Variants in COPG1 observed in about 807,000 individuals in gnomAD.
COPG1 encodes the protein coat protein complex I subunit gamma 1.
Under a neutral mutation model 102.8 loss-of-function variants are expected in COPG1, and 29 were observed. The ratio of observed to expected loss-of-function variants is 0.28; its 90% CI spans 0.21 to 0.38. The LOEUF (loss-of-function observed/expected upper bound fraction) is 0.38. Among genes scored for constraint, COPG1 ranks in the 10% least tolerant of loss-of-function variants. The probability of loss-of-function intolerance (pLI) is 1.00; values close to 1 mark genes in which losing one functional copy is unlikely to be tolerated. For missense variants in COPG1, 875 were observed against 1,132.7 expected, an observed-to-expected ratio of 0.77 and a Z score of 3.27; for synonymous variants, 406 against 421.6, an observed-to-expected ratio of 0.96 and a Z score of 0.45.
Position 129,268,568 on chromosome 3 carries a change from T to C in COPG1, c.1722T>C (p.Phe574=), listed in dbSNP as rs1382911806. ...QYTLEPSEKP[F]DLKSVPLATA... ...CTCTAGAACCATCAGAAAAACCTTT[T>C]GACCTCAAGTCTGTGCCCCTGGCCA... Residue 574 remains phenylalanine, a synonymous_variant, in exon 17 of 24, where the codon TTT becomes TTC. Coordinates refer to ENST00000314797, the MANE Select transcript of COPG1 (RefSeq NM_016128.4). The C allele has an allele frequency of 1.2e-6, 2 of 1,614,182 alleles. No individual in the cohort carries two copies. Among genetic ancestry groups the C allele is most frequent in the East Asian group, 4.5e-5 (2 of 44,870 alleles).
At chr3:129,255,203 G>C in intron 7 of COPG1, 126 bp downstream of exon 7, 3 of 648,322 alleles carry the variant, frequency 4.6e-6, no homozygotes, top group Admixed American at 2.8e-5. Flanking sequence ...GATTGAGACG[G>C]AGTCTCACTC....
intron 19 of COPG1, 164 bp downstream of exon 19, chr3:129,272,073 G>A (rs981052539): frequency 1.2e-5 from 12 of 1,006,254 alleles, no homozygotes; most frequent in African/African-American, 9.8e-5. Context: ...CTCTTGACTC[G>A]GGACATCCAT....
chr3:129,272,344 G>A lies in COPG1; in HGVS notation c.2087G>A (p.Arg696Gln), dbSNP rs756754245. Reference sequence around the variant, plus strand: ...GAGGTGCTCTGTTACGTGCCTGCCCGGAGCCTGCCCTACAACCAGCCCGGG... The same window carrying A: ...GAGGTGCTCTGTTACGTGCCTGCCCAGAGCCTGCCCTACAACCAGCCCGGG... ...AYEVLCYVPA[R>Q]SLPYNQPGTC... Residue 696 changes from arginine (R) to glutamine (Q), a missense_variant, in exon 20 of 24, where the codon CGG (arginine) becomes CAG (glutamine). Physicochemically the swap from Arg to Gln is conservative, Grantham distance 43. Coordinates refer to ENST00000314797, the MANE Select transcript of COPG1 (RefSeq NM_016128.4). 21 of 1,613,918 alleles carry A rather than the reference G, an allele frequency of 1.3e-5. No homozygotes were observed. Among genetic ancestry groups the A allele is most frequent in the East Asian group, 4.5e-5 (2 of 44,894 alleles).
rs1939903793 is a variant in COPG1, at chr3:129,260,398, A to G, written c.937A>G (p.Lys313Glu). The G allele has an allele frequency of 6.2e-7, 1 of 1,613,738 alleles. No homozygotes were observed. Among genetic ancestry groups the G allele is most frequent in the African/African-American group, 1.3e-5 (1 of 74,876 alleles). The change falls in exon 11 of 24, where the codon AAG becomes GAG. Residue 313 changes from lysine to glutamate, a missense_variant and splice_region_variant. Lys to Glu is a moderately conservative substitution (Grantham distance 56). Coordinates refer to ENST00000314797, the MANE Select transcript of COPG1 (RefSeq NM_016128.4). ...LRYAAVRTLN[K>E]VAMKHPSAVT... ...CTATGCTGCTGTTCGTACCCTCAATAAGGTAAGAGTCCAGCTTGGGGGTTG... is the reference window on the plus strand; with the variant it reads ...CTATGCTGCTGTTCGTACCCTCAATGAGGTAAGAGTCCAGCTTGGGGGTTG...
At position 129,265,545 on chromosome 3, in the gene COPG1, G is replaced by T. The variant is rs1032671912; in HGVS notation, c.1225-4G>T. The T allele has an allele frequency of 6.2e-7, 1 of 1,614,010 alleles. No homozygotes were observed. Among genetic ancestry groups the T allele is most frequent in the Admixed American group, 1.7e-5 (1 of 60,030 alleles). On this transcript the variant is annotated splice_region_variant and splice_polypyrimidine_tract_variant and intron_variant, in intron 13 of 23. Coordinates refer to ENST00000314797, the MANE Select transcript of COPG1 (RefSeq NM_016128.4). ...TCCTTGCTTAGCTCAGCTTCTCTCT[G>T]CAGGGTGGCTTTGAGTATAAGCGCG...
Position 129,254,985 on chromosome 3 carries a change from A to G in COPG1, c.400A>G (p.Ser134Gly). 1.2e-6 allele frequency: 2 copies of G among 1,613,788 alleles called. No individual in the cohort carries two copies. Among genetic ancestry groups the G allele is most frequent in the Non-Finnish European group, 1.7e-6 (2 of 1,179,718 alleles). The change falls in exon 7 of 24, where the codon AGC becomes GGC. Residue 134 changes from serine to glycine, a missense_variant and splice_region_variant. Coordinates refer to ENST00000314797, the MANE Select transcript of COPG1 (RefSeq NM_016128.4). ...TCCACCCTGCTCCTTTTGCCCACAG[A>G]GCACCATGCTGCAGGCTATTGAGCG... ...AVRALCQITDSTMLQAIERYM... is the reference protein window; with the variant it reads ...AVRALCQITDGTMLQAIERYM...
chr3:129,277,581 C>T lies in COPG1; in HGVS notation c.*157C>T, dbSNP rs1457981306. Reference sequence around the variant, plus strand: ...TTTTTATTCTGCTCCCACCTCCCACCCGGGACTACTTGCTGGTGACTTTTT... The same window carrying T: ...TTTTTATTCTGCTCCCACCTCCCACTCGGGACTACTTGCTGGTGACTTTTT... On this transcript the variant is annotated 3_prime_UTR_variant, in exon 24 of 24. Coordinates refer to ENST00000314797, the MANE Select transcript of COPG1 (RefSeq NM_016128.4). 4 of 650,944 alleles carry T rather than the reference C, an allele frequency of 6.1e-6. No homozygotes were observed. Among genetic ancestry groups the T allele is most frequent in the African/African-American group, 1.8e-5 (1 of 54,126 alleles). The allele number at this position is 650,944 out of a possible 1,614,324, so 40.3% of individuals were successfully genotyped here. A position where few individuals can be genotyped will look rare whatever the true frequency, so the allele number is the denominator to read the frequency against.
At position 129,275,265 on chromosome 3, in the gene COPG1, A is replaced by G; in HGVS notation, c.2467A>G (p.Lys823Glu). 6.2e-7 allele frequency: 1 copy of G among 1,614,194 alleles called. No homozygotes were observed. The highest frequency in any genetic ancestry group is 8.5e-7 in the Non-Finnish European group (1 of 1,180,028). The part of the protein sequence containing the change: ...CERSDKVPDN[K>E]NTHTLLLAGV... ...GAGGTCAGACAAAGTGCCGGATAAC[A>G]AGAACACCCACACGTTGCTCCTGGC... The change falls in exon 23 of 24, where the codon AAG (lysine) becomes GAG (glutamate). Residue 823 changes from lysine (K) to glutamate (E), a missense_variant. Physicochemically the swap from Lys to Glu is moderately conservative, Grantham distance 56 (BLOSUM62 1). Coordinates refer to ENST00000314797, the MANE Select transcript of COPG1 (RefSeq NM_016128.4). The surrounding 1 kb of genome is among the most constrained non-coding windows in gnomAD (Gnocchi z 5.0).
chr3:129,257,873 T>G lies in COPG1; in HGVS notation c.871+13T>G. 6.2e-7 allele frequency: 1 copy of G among 1,611,758 alleles called. No individual in the cohort carries two copies. Among genetic ancestry groups the G allele is most frequent in the South Asian group, 1.1e-5 (1 of 90,942 alleles). On this transcript the variant is annotated intron_variant, in intron 10 of 23. Coordinates refer to ENST00000314797, the MANE Select transcript of COPG1 (RefSeq NM_016128.4). ...CCGGCTGTGTCAGGTCACTGGGCATTCCTTCACCCAGCCTCACATGTTTAT... is the reference window on the plus strand; with the variant it reads ...CCGGCTGTGTCAGGTCACTGGGCATGCCTTCACCCAGCCTCACATGTTTAT...
At position 129,256,963 on chromosome 3, in the gene COPG1, CA is replaced by C. The variant is rs758735048; in HGVS notation, c.580-506del. Among the ~76,000 whole-genome samples, 64 of 152,238 alleles carry C rather than the reference CA, an allele frequency of 4.2e-4. 1 individual carries two copies. Among genetic ancestry groups the C allele is most frequent in the Non-Finnish European group, 1.5e-4 (10 of 68,042 alleles). On this transcript the variant is annotated intron_variant, in intron 8 of 23. Transcript: ENST00000314797. The stretch of plus-strand genomic sequence containing the variant: ...GGGAGTCTCTGGGCTTCTGGCCCTC[CA>C]GGCCTAGCTTTGTCAGTACCAGCCA...
intron 14 of COPG1, among the ~76,000 whole-genome samples, 162 bp from the exon 15 acceptor site, chr3:129,266,862 C>G (rs1157343716): frequency 6.6e-6 from 1 of 152,150 alleles, no homozygotes; most frequent in Non-Finnish European, 1.5e-5. Flanking sequence ...CAAGATCCAC[C>G]CAAAGCCACT....
rs145724197 is a variant in COPG1 at position 129,263,985 on chromosome 3, A to G, written c.1210A>G (p.Met404Val). ...CGTCCTTATGAACTTCCTGTTCACCATGCTGCGGGAAGAGGTAAGAGTCAG... is the reference window on the plus strand; with the variant it reads ...CGTCCTTATGAACTTCCTGTTCACCGTGCTGCGGGAAGAGGTAAGAGTCAG... Reference protein sequence around the residue: ...HAVLMNFLFTMLREEGGFEYK... With the variant: ...HAVLMNFLFTVLREEGGFEYK... Residue 404 changes from methionine to valine, a missense_variant, in exon 13 of 24, where the codon ATG becomes GTG. Transcript: ENST00000314797. The G allele has an allele frequency of 1.9e-6, 3 of 1,613,870 alleles. No homozygotes were observed. Among genetic ancestry groups the G allele is most frequent in the South Asian group, 2.2e-5 (2 of 91,084 alleles).
At chr3:129,251,190 T>C in intron 2 of COPG1, among the ~76,000 whole-genome samples, 1 of 151,508 alleles carries the variant, frequency 6.6e-6, no homozygotes, top group South Asian at 2.1e-4. Context: ...CCCAAAGTGC[T>C]GGGATTACAG....
At position 129,268,952 on chromosome 3, in the gene COPG1, G is replaced by C; in HGVS notation, c.1795G>C (p.Val599Leu). 6.2e-7 allele frequency: 1 copy of C among 1,614,168 alleles called. No homozygotes were observed. The highest frequency in any genetic ancestry group is 8.5e-7 in the Non-Finnish European group (1 of 1,180,016). The change falls in exon 18 of 24, where the codon GTC (valine) becomes CTC (leucine). Residue 599 changes from valine to leucine, a missense_variant. By Grantham distance (32) the Val-to-Leu change is conservative. Coordinates refer to ENST00000314797, the MANE Select transcript of COPG1 (RefSeq NM_016128.4). ...QRTESTPITA[V>L]KQPEKVAATR... ...TGCAGAAAGTACCCCCATCACAGCAGTCAAACAGCCTGAGAAAGTGGCAGC... is the reference window on the plus strand; with the variant it reads ...TGCAGAAAGTACCCCCATCACAGCACTCAAACAGCCTGAGAAAGTGGCAGC...
In COPG1 at chr3:129,259,725, C is replaced by T. The variant is rs372806847; in HGVS notation, c.872-608C>T. Among the ~76,000 whole-genome samples the T allele has an allele frequency of 2.8e-4, 42 of 152,288 alleles. No homozygotes were observed. The East Asian group carries it at 6.9e-3, about 25-fold the overall frequency. ...ATTGAGTGCCAAATTTAGCTCTGAG[C>T]TTCCGGGCAGCCAGGGCAAGGGAGG... is the stretch of plus-strand genomic sequence containing the variant. On this transcript the variant is annotated intron_variant, in intron 10 of 23. Transcript: ENST00000314797.
intron 14 of COPG1, among the ~76,000 whole-genome samples, chr3:129,266,428 G>C (rs1187097117): frequency 6.6e-6 from 1 of 152,010 alleles, no homozygotes; most frequent in Non-Finnish European, 1.5e-5. Flanking sequence ...CTTGCCTTAA[G>C]TGATTTTTTT....
chr3:129,264,214 T>G (rs1940008675), intron 13 of COPG1, among the ~76,000 whole-genome samples: 1 of 152,168 alleles, frequency 6.6e-6, no homozygotes, highest in South Asian at 2.1e-4. Context: ...CAGCCTGACT[T>G]TAAAAACTGG....
intron 1 of COPG1, 144 bp downstream of exon 1, chr3:129,249,890 C>G (rs1939656157): frequency 5.1e-6 from 4 of 790,030 alleles, no homozygotes; most frequent in Non-Finnish European, 7.8e-6. Context: ...AGTGGCAGGC[C>G]TCGGAGAGCC....
chr3:129,275,176 T>G lies in COPG1; in HGVS notation c.2396-18T>G, dbSNP rs767741255. The G allele has an allele frequency of 2.5e-6, 4 of 1,608,304 alleles. No homozygotes were observed. The highest frequency in any genetic ancestry group is 3.4e-6 in the Non-Finnish European group (4 of 1,174,944). Reference sequence around the variant, plus strand: ...GGCAGATAAGATGGCTTAACAATATTGGGATTTCTCATTACAGAGGCTGTG... The same window carrying G: ...GGCAGATAAGATGGCTTAACAATATGGGGATTTCTCATTACAGAGGCTGTG... On this transcript the variant is annotated intron_variant, in intron 22 of 23. Coordinates refer to ENST00000314797, the MANE Select transcript of COPG1 (RefSeq NM_016128.4). This position sits in a 1 kb window ranked among gnomAD's most constrained non-coding sequence, Gnocchi z 5.0.
Sources: allele counts gnomAD v4.1 joint callset (sites outside exome capture counted in the v4.1 genomes callset), GRCh38; gene constraint gnomAD v4.1.1; non-coding constraint Gnocchi (gnomAD v3.1); transcripts MANE v1.5; gene names NCBI Gene and HGNC (gene_info 2026-07-23, HGNC 2026-07-21).